Variants in AK9 observed in about 807,000 individuals in gnomAD.
AK9 encodes adenylate kinase 9, also known as adenylate kinase domain containing 1.
Under a neutral mutation model 239.6 loss-of-function variants are expected in AK9, and 191 were observed. The observed-to-expected ratio is 0.80, with a 90% CI of 0.71 to 0.90. The LOEUF is 0.90. AK9 is among the 40% of genes least tolerant of loss of function. The pLI, the probability that AK9 is intolerant of heterozygous loss-of-function variation, is 0.00. For synonymous variants in AK9, 689 were observed against 721.0 expected, an observed-to-expected ratio of 0.96 and a Z score of 0.71; for missense variants, 1,995 against 2,214.7, an observed-to-expected ratio of 0.90 and a Z score of 1.99.
chr6:109,540,533 C>T (rs572365462), intron 27 of AK9, among the ~76,000 whole-genome samples: 8 of 152,292 alleles, frequency 5.3e-5, no homozygotes, highest in Admixed American at 4.6e-4. Flanking sequence ...AGGGAATTCC[C>T]TGACCCCTTG....
intron 12 of AK9, chr6:109,632,633 C>A: frequency 1.9e-6 from 1 of 523,194 alleles, no homozygotes; most frequent in Non-Finnish European, 2.7e-6. Context: ...TGAGTAGAAC[C>A]AAGAAAGCTA....
chr6:109,586,133 G>T, intron 17 of AK9, 61 bp from the exon 18 acceptor site: 1 of 1,310,598 alleles, frequency 7.6e-7, no homozygotes, highest in Non-Finnish European at 1.0e-6. Context: ...ATGCAACCTT[G>T]ATATGTAATT....
intron 36 of AK9, 96 bp from the exon 37 acceptor site, chr6:109,498,061 C>T (rs1777251444): frequency 3.3e-6 from 4 of 1,207,030 alleles, no homozygotes; most frequent in Non-Finnish European, 4.7e-6. Flanking sequence ...TCCCCATTTT[C>T]AGTAGCAGCG....
At chr6:109,633,759 G>A (rs1796393361) in intron 10 of AK9, among the ~76,000 whole-genome samples, 1 of 152,016 alleles carries the variant, frequency 6.6e-6, no homozygotes, top group Non-Finnish European at 1.5e-5. Flanking sequence ...AAGATGTTAT[G>A]TACAGATTGT....
intron 24 of AK9, among the ~76,000 whole-genome samples, chr6:109,551,307 T>A (rs1784326719): frequency 2.6e-5 from 4 of 151,964 alleles, no homozygotes; most frequent in Admixed American, 2.6e-4. Flanking sequence ...TCACATGAGG[T>A]CAGGAGTTTG....
chr6:109,633,143 A>G, intron 11 of AK9, 40 bp from the exon 12 acceptor site: 1 of 1,567,402 alleles, frequency 6.4e-7, no homozygotes, highest in Admixed American at 2.1e-5. Context: ...GAAAAGATGT[A>G]TGAGGAAGAT....
intron 19 of AK9, among the ~76,000 whole-genome samples, chr6:109,580,910 T>G (rs80022692): frequency 0.38 from 52,144 of 137,804 alleles, 9,431 homozygotes; most frequent in South Asian, 0.54. Flanking sequence ...CGTGGTTTTT[T>G]TTTGTGTTTT....
At chr6:109,500,361 T>TA (rs1029658094) in intron 35 of AK9, among the ~76,000 whole-genome samples, 18 of 152,222 alleles carry the variant, frequency 1.2e-4, no homozygotes, top group African/African-American at 4.3e-4. Flanking sequence ...AGTACACACA[T>TA]AAAAAAGAGA....
intron 24 of AK9, among the ~76,000 whole-genome samples, chr6:109,560,717 C>A (rs944733879): frequency 6.6e-6 from 1 of 152,060 alleles, no homozygotes; most frequent in Non-Finnish European, 1.5e-5. Context: ...TGTTAGACTG[C>A]AGTTTGTTTT....
At chr6:109,517,743 G>C (rs1779418149) in intron 29 of AK9, among the ~76,000 whole-genome samples, 2 of 152,150 alleles carry the variant, frequency 1.3e-5, no homozygotes, top group South Asian at 4.1e-4. Context: ...GAGAAAACGA[G>C]AATAATACAT....
chr6:109,669,957 G>A (rs1801834334), intron 5 of AK9, among the ~76,000 whole-genome samples: 1 of 152,124 alleles, frequency 6.6e-6, no homozygotes, highest in Admixed American at 6.6e-5. Context: ...CCCAGACTCA[G>A]GAAACCATTT....
intron 1 of AK9, among the ~76,000 whole-genome samples, chr6:109,683,465 G>C: frequency 6.6e-6 from 1 of 152,158 alleles, no homozygotes; most frequent in East Asian, 1.9e-4. Flanking sequence ...AATTGTCTCT[G>C]TTTGCAGAGG....
rs142380683 is a variant in AK9, at chr6:109,633,039, G to A, written c.1138C>T (p.Arg380Cys). ...GGCATAGGTGGAAGCAGATAGGGAC[G>A]TGGGTTCAACAAAAATGGTTTTAAT... ...EALKPFLLNP[R>C]PYLLPPMPGP... The change falls in exon 12 of 41, where the codon CGT becomes TGT. Residue 380 changes from arginine (R) to cysteine (C), a missense_variant. Physicochemically the swap from Arg to Cys is radical, Grantham distance 180 (BLOSUM62 -3). Transcript: ENST00000424296. The A allele has an allele frequency of 2.5e-5, 40 of 1,579,154 alleles. No individual in the cohort carries two copies. The highest frequency in any genetic ancestry group is 3.3e-5 in the Non-Finnish European group (38 of 1,168,690).
At chr6:109,598,009 ATATT>A (rs1421012266) in intron 17 of AK9, among the ~76,000 whole-genome samples, 1 of 152,082 alleles carries the variant, frequency 6.6e-6, no homozygotes, top group Non-Finnish European at 1.5e-5. Context: ...AATTAATGTT[ATATT>A]TATTATAAAT....
At chr6:109,607,582 C>G (rs1316162656) in intron 17 of AK9, among the ~76,000 whole-genome samples, 1 of 152,068 alleles carries the variant, frequency 6.6e-6, no homozygotes, top group East Asian at 1.9e-4. Context: ...CTTGAACATT[C>G]ATGGATTCTG....
Position 109,633,328 on chromosome 6 carries a change from G to C in AK9, c.934-5C>G, listed in dbSNP as rs777418407. 1 of 1,588,106 alleles carries C rather than the reference G, an allele frequency of 6.3e-7. No homozygotes were observed. Among genetic ancestry groups the C allele is most frequent in the Non-Finnish European group, 8.5e-7 (1 of 1,175,430 alleles). On this transcript the variant is annotated splice_region_variant and splice_polypyrimidine_tract_variant and intron_variant, in intron 10 of 40. Transcript: ENST00000424296. ...AAGAGTACGAAATAGCTCATCCTGT[G>C]AATTGCAAATACTACATTAAAAATA...
chr6:109,560,655 T>G (rs879643922), intron 24 of AK9, among the ~76,000 whole-genome samples: 3 of 152,194 alleles, frequency 2.0e-5, no homozygotes, highest in Admixed American at 2.0e-4. Context: ...TATTTTTGGA[T>G]TTGATTTGCT....
intron 29 of AK9, among the ~76,000 whole-genome samples, chr6:109,518,429 T>C (rs781238611): frequency 1.3e-5 from 2 of 152,164 alleles, no homozygotes; most frequent in African/African-American, 2.4e-5. Flanking sequence ...GACATCTTAG[T>C]TCCAGATGAA....
intron 24 of AK9, among the ~76,000 whole-genome samples, chr6:109,553,773 T>G (rs1279800717): frequency 1.3e-5 from 2 of 152,210 alleles, no homozygotes; most frequent in African/African-American, 4.8e-5. Context: ...TATCCTTGTC[T>G]TGCACTGGTT....
Sources: gnomAD v4.1 joint callset for allele counts (sites outside exome capture counted in the v4.1 genomes callset) on GRCh38, gnomAD v4.1.1 for gene constraint, MANE v1.5 for transcripts, NCBI Gene and HGNC (gene_info 2026-07-23, HGNC 2026-07-21) for gene names.